Variants in CDYL observed in about 807,000 individuals in gnomAD.
The protein encoded by CDYL is chromodomain Y-like protein.
In CDYL, 8 loss-of-function variants were observed where a neutral mutation model predicts 47.3. The observed-to-expected ratio is 0.17, with a 90% CI of 0.10 to 0.31. The LOEUF (loss-of-function observed/expected upper bound fraction) is 0.31, where lower values mean the gene tolerates loss of function less well. CDYL is among the 10% of genes least tolerant of loss of function. The pLI, the probability that CDYL is intolerant of heterozygous loss-of-function variation, is 1.00. For synonymous variants in CDYL, 266 were observed against 265.0 expected (o/e 1.00, Z -0.04); for missense variants, 471 against 701.4 (o/e 0.67, Z 3.71).
intron 3 of CDYL, among the ~76,000 whole-genome samples, chr6:4,762,639 G>A (rs1758192322): frequency 1.9e-5 from 2 of 106,450 alleles, no homozygotes; most frequent in Non-Finnish European, 3.5e-5. Context: ...CCAGATTAAA[G>A]GGTACCAAAA....
intron 1 of CDYL, among the ~76,000 whole-genome samples, chr6:4,712,219 C>CT (rs1218311116): frequency 2.0e-5 from 3 of 152,188 alleles, no homozygotes; most frequent in Non-Finnish European, 4.4e-5. Context: ...GACAGGGGCC[C>CT]TGGAATTCAG....
chr6:4,722,204 A>G (rs1757383797), intron 2 of CDYL, among the ~76,000 whole-genome samples: 1 of 152,060 alleles, frequency 6.6e-6, no homozygotes, highest in Admixed American at 6.5e-5. Context: ...AGTAGCTTAT[A>G]CCTTTAATCC....
chr6:4,866,938 A>G (rs1191022745), intron 1 of CDYL, among the ~76,000 whole-genome samples: 1 of 152,094 alleles, frequency 6.6e-6, no homozygotes, highest in Admixed American at 6.5e-5. Context: ...AAGGAACTAA[A>G]TTGATCCTCT....
At chr6:4,763,222 C>T (rs572806273) in intron 3 of CDYL, among the ~76,000 whole-genome samples, 56 of 152,056 alleles carry the variant, frequency 3.7e-4, no homozygotes, top group African/African-American at 1.1e-3. Context: ...ACTTTTTAGA[C>T]AAACTAAAGC....
At chr6:4,707,711 C>G (rs1165088508) in intron 1 of CDYL, among the ~76,000 whole-genome samples, 5 of 152,180 alleles carry the variant, frequency 3.3e-5, no homozygotes, top group African/African-American at 1.2e-4. Context: ...AAAAGTTAAG[C>G]TGATCCTCAA....
At chr6:4,897,356 C>G (rs887212419) in intron 2 of CDYL, among the ~76,000 whole-genome samples, 3 of 152,158 alleles carry the variant, frequency 2.0e-5, no homozygotes, top group African/African-American at 7.2e-5. Flanking sequence ...ATATTAATAC[C>G]TTAGCACACC....
At chr6:4,934,045 A>G (rs780022244) in intron 2 of CDYL, among the ~76,000 whole-genome samples, 4 of 152,212 alleles carry the variant, frequency 2.6e-5, no homozygotes, top group Admixed American at 6.5e-5. Context: ...TTATATATGT[A>G]CAAGCAAGAC....
chr6:4,758,901 A>G (rs902668367), intron 3 of CDYL, among the ~76,000 whole-genome samples: 1 of 151,362 alleles, frequency 6.6e-6, no homozygotes, highest in African/African-American at 2.4e-5. Context: ...GCTTGGAAAG[A>G]ATAAACAGAC....
At chr6:4,721,659 G>C (rs1433632775) in intron 2 of CDYL, among the ~76,000 whole-genome samples, 1 of 152,060 alleles carries the variant, frequency 6.6e-6, no homozygotes, top group Non-Finnish European at 1.5e-5. Context: ...GGGACTACAG[G>C]CATGAGCCAC....
rs1255440823 is a variant in CDYL, at chr6:4,751,771, T to C, written c.186+16927T>C. 2.0e-5 allele frequency among the ~76,000 whole-genome samples: 3 copies of C among 152,368 alleles called. No individual in the cohort carries two copies. In the East Asian group the frequency reaches 5.8e-4, roughly 29 times the overall value. The stretch of plus-strand genomic sequence containing the variant: ...TCTCCCAGGAGAAGAAAAAAAGTGA[T>C]AGAAGAAGAAACCATACTTAGAAAT... On this transcript the variant is annotated intron_variant, in intron 3 of 8. Transcript: ENST00000328908.
chr6:4,866,294 A>C (rs1761320566), intron 1 of CDYL, among the ~76,000 whole-genome samples: 1 of 152,202 alleles, frequency 6.6e-6, no homozygotes, highest in Non-Finnish European at 1.5e-5. Context: ...GAAGAACAGA[A>C]AATAATTCCA....
At chr6:4,865,079 A>G (rs1280600099) in intron 1 of CDYL, among the ~76,000 whole-genome samples, 7 of 152,128 alleles carry the variant, frequency 4.6e-5, no homozygotes, top group Admixed American at 2.6e-4. Flanking sequence ...TCAGTAAACA[A>G]CTTTCCTGCC....
chr6:4,836,796 A>T (rs1191955807), intron 1 of CDYL, among the ~76,000 whole-genome samples: 2 of 152,228 alleles, frequency 1.3e-5, no homozygotes, highest in African/African-American at 4.8e-5. Flanking sequence ...GAGGAAGGGC[A>T]GTGAGTACAT....
chr6:4,710,008 T>A (rs1267974406), intron 1 of CDYL, among the ~76,000 whole-genome samples: 1 of 152,018 alleles, frequency 6.6e-6, no homozygotes, highest in East Asian at 1.9e-4. Flanking sequence ...ATTGTCTGTG[T>A]TCAGGAGTTC....
chr6:4,768,141 A>G (rs1368533743), intron 3 of CDYL, among the ~76,000 whole-genome samples: 1 of 152,214 alleles, frequency 6.6e-6, no homozygotes, highest in Non-Finnish European at 1.5e-5. Flanking sequence ...GCCTTTGGAA[A>G]AAGCCCTTTC....
At chr6:4,748,656 GACAC>G (rs111349102) in intron 3 of CDYL, among the ~76,000 whole-genome samples, 12 of 146,146 alleles carry the variant, frequency 8.2e-5, no homozygotes, top group African/African-American at 1.8e-4. Context: ...TGATGGCAAA[GACAC>G]ACACACACAC....
intron 1 of CDYL, among the ~76,000 whole-genome samples, chr6:4,869,675 G>A (rs959595024): frequency 3.3e-5 from 5 of 151,840 alleles, no homozygotes; most frequent in African/African-American, 1.2e-4. Flanking sequence ...AGCCCGCTTG[G>A]GATTAATAAC....
At chr6:4,746,007 T>C (rs894014505) in intron 3 of CDYL, among the ~76,000 whole-genome samples, 1 of 152,192 alleles carries the variant, frequency 6.6e-6, no homozygotes, top group Non-Finnish European at 1.5e-5. Flanking sequence ...CTCACCAGCA[T>C]GGACTTCATC....
chr6:4,819,815 G>T (rs897697965), intron 1 of CDYL, among the ~76,000 whole-genome samples: 1 of 151,978 alleles, frequency 6.6e-6, no homozygotes, highest in Non-Finnish European at 1.5e-5. Context: ...CATCTTATGG[G>T]TAGAGGCCAG....
Sources: allele counts gnomAD v4.1 joint callset (sites outside exome capture counted in the v4.1 genomes callset), GRCh38; gene constraint gnomAD v4.1.1; transcripts MANE v1.5; gene names NCBI Gene and HGNC (gene_info 2026-07-23, HGNC 2026-07-21).